The following IGSF11 variants were observed in gnomAD, a reference collection of about 807,000 sequenced individuals.
IGSF11 encodes immunoglobulin superfamily member 11.
Under a neutral mutation model 41.0 loss-of-function variants are expected in IGSF11, and 22 were observed. The ratio of observed to expected loss-of-function variants is 0.54; its 90% CI spans 0.38 to 0.77. The LOEUF (loss-of-function observed/expected upper bound fraction) is 0.77. Among genes scored for constraint, IGSF11 ranks in the 30% least tolerant of loss-of-function variants. The pLI, the probability that IGSF11 is intolerant of heterozygous loss-of-function variation, is 0.00. For synonymous variants in IGSF11, 219 were observed against 201.3 expected, an observed-to-expected ratio of 1.09 and a Z score of -0.74; for missense variants, 444 against 530.8, an observed-to-expected ratio of 0.84 and a Z score of 1.61.
chr3:119,127,928 C>T (rs982634961), intron 1 of IGSF11, among the ~76,000 whole-genome samples: 1 of 152,276 alleles, frequency 6.6e-6, no homozygotes, highest in South Asian at 2.1e-4. Context: ...AAGGAAAAGC[C>T]GGTACCAGCC....
intron 1 of IGSF11, among the ~76,000 whole-genome samples, chr3:119,066,336 T>C (rs1422020564): frequency 6.6e-6 from 1 of 152,254 alleles, no homozygotes; most frequent in Non-Finnish European, 1.5e-5. Flanking sequence ...TTCATGATAA[T>C]ATGCCTACGT....
intron 4 of IGSF11, among the ~76,000 whole-genome samples, chr3:118,909,599 A>C (rs1037149712): frequency 3.3e-5 from 5 of 152,216 alleles, no homozygotes; most frequent in African/African-American, 1.2e-4. Context: ...ATAGATGGAG[A>C]AGGGACAGGG....
In IGSF11 at chr3:119,031,271, A is replaced by C. The variant is rs371939509; in HGVS notation, c.52+3260T>G. ...AGACTCCATCTCAAATAAATAAATA[A>C]ATAAACAAACTAACTAAGTAGTTAT... On this transcript the variant is annotated intron_variant, in intron 1 of 6. Transcript: ENST00000393775. 4.3e-3 allele frequency among the ~76,000 whole-genome samples: 540 copies of C among 126,932 alleles called. 2 individuals carry two copies. Among genetic ancestry groups the C allele is most frequent in the African/African-American group, 0.015 (504 of 34,552 alleles). The allele number at this position is 126,932 out of a possible 152,430, so 83.3% of individuals were successfully genotyped here. A position where few individuals can be genotyped will look rare whatever the true frequency, so the allele number is the denominator to read the frequency against.
chr3:119,006,134 C>T (rs1576621657), intron 1 of IGSF11, among the ~76,000 whole-genome samples: 2 of 120,090 alleles, frequency 1.7e-5, no homozygotes, highest in East Asian at 4.5e-4. Context: ...TTCACATAGT[C>T]CCATATTTCT....
intron 1 of IGSF11, among the ~76,000 whole-genome samples, chr3:119,025,719 C>T (rs1175985715): frequency 1.3e-5 from 2 of 151,856 alleles, no homozygotes; most frequent in African/African-American, 4.8e-5. Context: ...TACGACAATG[C>T]TTTTTTTCTC....
At chr3:118,935,668 G>C (rs1165010145) in intron 1 of IGSF11, among the ~76,000 whole-genome samples, 1 of 151,886 alleles carries the variant, frequency 6.6e-6, no homozygotes, top group African/African-American at 2.4e-5. Context: ...TTCCCACCTT[G>C]GAGGTGAACA....
At position 119,079,752 on chromosome 3, in the gene IGSF11, A is replaced by C. The variant is rs114875938; in HGVS notation, c.49+25392T>G. Among the ~76,000 whole-genome samples the C allele has an allele frequency of 4.7e-3, 712 of 152,344 alleles. 13 individuals carry two copies. Among genetic ancestry groups the C allele is most frequent in the African/African-American group, 0.016 (681 of 41,568 alleles). On this transcript the variant is annotated intron_variant, in intron 1 of 6. Transcript: ENST00000354673. The stretch of plus-strand genomic sequence containing the variant: ...TTGCAGCAATATGGATGCAGCTAGA[A>C]GTCATTACTCTAAGCAAATTAATTC...
intron 1 of IGSF11, among the ~76,000 whole-genome samples, chr3:119,070,780 T>A (rs1161145754): frequency 1.3e-5 from 2 of 152,162 alleles, no homozygotes; most frequent in African/African-American, 4.8e-5. Context: ...TTTCTCTCCA[T>A]GTCTATACTG....
At chr3:119,034,495 T>C in intron 1 of IGSF11, 36 bp downstream of exon 1, 1 of 1,525,312 alleles carries the variant, frequency 6.6e-7, no homozygotes, top group Non-Finnish European at 8.8e-7. Context: ...CGACCCGGCC[T>C]GGCCCCACCG....
At chr3:119,035,870 A>G (rs957333129), upstream of IGSF11, among the ~76,000 whole-genome samples, 1 of 152,136 alleles carries the variant, frequency 6.6e-6, no homozygotes, top group African/African-American at 2.4e-5. Context: ...CAGCAGCATA[A>G]ATTAGGGTTC....
chr3:119,131,559 C>G (rs954683681), intron 1 of IGSF11, among the ~76,000 whole-genome samples: 1 of 152,128 alleles, frequency 6.6e-6, no homozygotes, highest in Admixed American at 6.5e-5. Flanking sequence ...TGTGAAAAGA[C>G]CAAATCTACG....
At chr3:119,116,532 T>A (rs1286126518) in intron 1 of IGSF11, among the ~76,000 whole-genome samples, 1 of 152,152 alleles carries the variant, frequency 6.6e-6, no homozygotes, top group Non-Finnish European at 1.5e-5. Context: ...CTAACCCCCA[T>A]CTTGCCTTTC....
At chr3:118,913,549 C>T (rs745389013) in intron 4 of IGSF11, among the ~76,000 whole-genome samples, 11 of 152,156 alleles carry the variant, frequency 7.2e-5, no homozygotes, top group Non-Finnish European at 1.2e-4. Flanking sequence ...AGCATTTATA[C>T]TCACTAAACT....
chr3:119,115,693 G>T (rs1427498787), intron 1 of IGSF11, among the ~76,000 whole-genome samples: 2 of 152,062 alleles, frequency 1.3e-5, no homozygotes, highest in Non-Finnish European at 2.9e-5. Context: ...CTCTCATTCT[G>T]TGGGTTGTCT....
At chr3:118,966,017 A>C (rs1945652231) in intron 1 of IGSF11, among the ~76,000 whole-genome samples, 1 of 151,992 alleles carries the variant, frequency 6.6e-6, no homozygotes, top group Non-Finnish European at 1.5e-5. Context: ...GAAAAAAAAA[A>C]ACAGAAGAGT....
intron 1 of IGSF11, among the ~76,000 whole-genome samples, chr3:119,062,741 A>G (rs991515658): frequency 6.6e-6 from 1 of 152,194 alleles, no homozygotes; most frequent in African/African-American, 2.4e-5. Flanking sequence ...CCAGGGTTCC[A>G]TCAGTGATAC....
chr3:118,917,802 C>A (rs1247709002), intron 4 of IGSF11, among the ~76,000 whole-genome samples: 1 of 150,808 alleles, frequency 6.6e-6, no homozygotes, highest in Admixed American at 6.6e-5. Flanking sequence ...GAGACACAAC[C>A]AAAAAAGAGA....
intron 1 of IGSF11, among the ~76,000 whole-genome samples, chr3:118,986,055 G>A (rs1222632201): frequency 6.6e-6 from 1 of 152,150 alleles, no homozygotes; most frequent in Non-Finnish European, 1.5e-5. Flanking sequence ...AAGCAAGCCT[G>A]AACAATTTGC....
At chr3:119,077,505 C>T (rs2076520669) in intron 1 of IGSF11, among the ~76,000 whole-genome samples, 1 of 151,952 alleles carries the variant, frequency 6.6e-6, no homozygotes, top group Non-Finnish European at 1.5e-5. Context: ...AAACCCTCAA[C>T]AAACCAAGCA....
Sources: allele counts gnomAD v4.1 joint callset (sites outside exome capture counted in the v4.1 genomes callset), GRCh38; gene constraint gnomAD v4.1.1; transcripts MANE v1.5; gene names NCBI Gene and HGNC (gene_info 2026-07-23, HGNC 2026-07-21).